Variants in NEMF observed in about 807,000 individuals in gnomAD.
NEMF encodes the protein nuclear export mediator factor.
NEMF carries 89 observed loss-of-function variants against 162.2 expected under a neutral mutation model. That is an observed-to-expected ratio of 0.55 (90% CI 0.46 to 0.65). The LOEUF (loss-of-function observed/expected upper bound fraction) is 0.65, where lower values mean the gene tolerates loss of function less well. Among genes scored for constraint, NEMF ranks in the 30% least tolerant of loss-of-function variants. The pLI is 0.00. For missense variants in NEMF, 1,133 were observed against 1,261.9 expected, an observed-to-expected ratio of 0.90 and a Z score of 1.55; for synonymous variants, 421 against 404.5, an observed-to-expected ratio of 1.04 and a Z score of -0.49.
chr14:49,798,893 CGA>C (rs1159141828), intron 25 of NEMF, among the ~76,000 whole-genome samples: 1 of 151,306 alleles, frequency 6.6e-6, no homozygotes, highest in African/African-American at 2.4e-5. Flanking sequence ...GGCGACAGAG[CGA>C]GACTCCATCT....
rs1890047667 is a variant in NEMF, at chr14:49,784,138, A to ATACTT, written c.*493_*497dup. On this transcript the variant is annotated 3_prime_UTR_variant, in exon 33 of 33. Transcript: ENST00000298310. ...ATAATTAGCATTTAACTGTCCACAAATACTTTAGGAAATCCTATCATAGTG... is the reference window on the plus strand; with the variant it reads ...ATAATTAGCATTTAACTGTCCACAAATACTTTACTTTAGGAAATCCTATCATAGTG... 2 of 152,306 alleles carry ATACTT rather than the reference A, an allele frequency of 1.3e-5. No individual in the cohort carries two copies. The highest frequency in any genetic ancestry group is 2.1e-4 in the South Asian group (1 of 4,830). 9.4% of individuals were successfully genotyped at this position (152,306 alleles called of 1,614,324 possible). A position where few individuals can be genotyped will look rare whatever the true frequency, so the allele number is the denominator to read the frequency against.
intron 11 of NEMF, among the ~76,000 whole-genome samples, chr14:49,830,029 C>G (rs942380871): frequency 1.2e-4 from 18 of 152,236 alleles, no homozygotes; most frequent in African/African-American, 4.1e-4. Context: ...AAGACAAAGG[C>G]TCATGGTAGT....
intron 18 of NEMF, among the ~76,000 whole-genome samples, chr14:49,813,662 GGTGTGTGTGTGTGTGTGT>G (rs57660068): frequency 2.7e-5 from 4 of 148,570 alleles, no homozygotes; most frequent in Non-Finnish European, 1.5e-5. Flanking sequence ...TTTTTTATTA[GGTGTGTGTGTGTGTGTGT>G]GTGTGTGTGT....
At chr14:49,817,172 G>A (rs1249943871) in intron 16 of NEMF, among the ~76,000 whole-genome samples, 1 of 152,232 alleles carries the variant, frequency 6.6e-6, no homozygotes, top group Non-Finnish European at 1.5e-5. Flanking sequence ...GCCAGGCGCG[G>A]TGGCTTATGC....
chr14:49,835,131 C>A lies in NEMF; in HGVS notation c.575-682G>T, dbSNP rs180794484. Among the ~76,000 whole-genome samples the A allele has an allele frequency of 5.4e-4, 81 of 149,606 alleles. 1 individual carries two copies. In the East Asian group the frequency reaches 0.013, roughly 24 times the overall value. The stretch of plus-strand genomic sequence containing the variant: ...AGGAGAATCACTTGAACCCGGGAGG[C>A]GGAGGCTGTGGCGAGCCAAGATCGT... On this transcript the variant is annotated intron_variant, in intron 6 of 32. Coordinates refer to ENST00000298310, the MANE Select transcript of NEMF (RefSeq NM_004713.6).
In NEMF at chr14:49,782,142, C is replaced by T; in HGVS notation, c.*2494G>A. 4.0e-6 allele frequency: 2 copies of T among 496,216 alleles called. No individual in the cohort carries two copies. The highest frequency in any genetic ancestry group is 6.9e-5 in the South Asian group (2 of 28,924). The allele number at this position is 496,216 out of a possible 1,614,324, so 30.7% of individuals were successfully genotyped here. On this transcript the variant is annotated 3_prime_UTR_variant, in exon 33 of 33. Transcript: ENST00000298310. ...AGAACAGATCGTTCAGTTCAAACTC[C>T]TCATTGCATAAATGAGAACGACCAG...
At chr14:49,784,736 T>A (rs1890077439) in intron 32 of NEMF, 23 bp from the exon 33 acceptor site, 2 of 1,581,086 alleles carry the variant, frequency 1.3e-6, no homozygotes, top group African/African-American at 1.3e-5. Context: ...AATTGCTGAA[T>A]ATCTTCACAT....
In NEMF at chr14:49,834,463, G is replaced by A; in HGVS notation, c.575-14C>T. The A allele has an allele frequency of 6.7e-7, 1 of 1,483,328 alleles. No homozygotes were observed. Among genetic ancestry groups the A allele is most frequent in the South Asian group, 1.2e-5 (1 of 85,558 alleles). 91.9% of individuals were successfully genotyped at this position (1,483,328 alleles called of 1,614,324 possible). The stretch of plus-strand genomic sequence containing the variant: ...CTGGTCCATAGGCTATAAATGCAGA[G>A]GATATTACTTTTAGTATTTTCCTAT... On this transcript the variant is annotated splice_polypyrimidine_tract_variant and intron_variant, in intron 6 of 32. Transcript: ENST00000298310.
In NEMF at chr14:49,783,761, A is replaced by AAATT. The variant is rs1344646856; in HGVS notation, c.*871_*874dup. 1.3e-5 allele frequency: 2 copies of AAATT among 152,282 alleles called. No individual in the cohort carries two copies. Among genetic ancestry groups the AAATT allele is most frequent in the Non-Finnish European group, 1.5e-5 (1 of 68,016 alleles). The allele number at this position is 152,282 out of a possible 1,614,324, so 9.4% of individuals were successfully genotyped here. A position where few individuals can be genotyped will look rare whatever the true frequency, so the allele number is the denominator to read the frequency against. On this transcript the variant is annotated 3_prime_UTR_variant, in exon 33 of 33. Transcript: ENST00000298310. ...AGAACTGAATCAGATTACAAGGAAAAAATTAAGATCAAACCTGAAGGTCTA... is the reference window on the plus strand; with the variant it reads ...AGAACTGAATCAGATTACAAGGAAAAAATTAATTAAGATCAAACCTGAAGGTCTA...
At chr14:49,828,527 A>G (rs1269435032) in intron 14 of NEMF, 89 bp downstream of exon 14, 1 of 1,141,998 alleles carries the variant, frequency 8.8e-7, no homozygotes, top group Non-Finnish European at 1.2e-6. Context: ...TGCATGTACA[A>G]GTGAAATTTA....
At chr14:49,834,309 T>C (rs369144485) in intron 7 of NEMF, 54 bp downstream of exon 7, 1 of 1,288,622 alleles carries the variant, frequency 7.8e-7, no homozygotes, top group African/African-American at 1.5e-5. Context: ...CCAGAAAAAA[T>C]TTTCATAGTT....
Position 49,828,802 on chromosome 14 carries a change from G to A in NEMF, c.1238C>T (p.Pro413Leu). ...ATCTTCCTCCTCTGATAACAAGTAT[G>A]GATTTCTATTAAAAATATTCAATAG... ...TNHVTMLLRN[P>L]YLLSEEEDDD... The change falls in exon 14 of 33, where the codon CCA becomes CTA. Residue 413 changes from proline to leucine, a missense_variant. This residue lies in a region of NEMF where 582 missense variants were observed against 631.5 expected (regional missense o/e 0.92). Coordinates refer to ENST00000298310, the MANE Select transcript of NEMF (RefSeq NM_004713.6). 1 of 1,525,828 alleles carries A rather than the reference G, an allele frequency of 6.6e-7. No individual in the cohort carries two copies. The highest frequency in any genetic ancestry group is 8.8e-7 in the Non-Finnish European group (1 of 1,133,622). The allele number at this position is 1,525,828 out of a possible 1,614,324, so 94.5% of individuals were successfully genotyped here.
chr14:49,839,800 T>C (rs1489138230), intron 5 of NEMF: 1 of 152,162 alleles, frequency 6.6e-6, no homozygotes, highest in Non-Finnish European at 1.5e-5. Context: ...AAGGATGACA[T>C]GAAATTTGTT....
intron 16 of NEMF, among the ~76,000 whole-genome samples, chr14:49,818,911 G>T (rs1891854489): frequency 6.6e-6 from 1 of 152,100 alleles, no homozygotes; most frequent in South Asian, 2.1e-4. Context: ...GGCCAACACA[G>T]ATCATTTCAC....
intron 18 of NEMF, among the ~76,000 whole-genome samples, chr14:49,806,918 T>C (rs112847364): frequency 1.3e-3 from 199 of 152,356 alleles, no homozygotes; most frequent in African/African-American, 4.6e-3. Flanking sequence ...CTTTAAAGTA[T>C]ACAATTCAGT....
intron 16 of NEMF, among the ~76,000 whole-genome samples, chr14:49,822,293 A>T (rs946062024): frequency 1.5e-4 from 16 of 109,540 alleles, no homozygotes; most frequent in Non-Finnish European, 3.0e-4. Context: ...CAATAAAAAA[A>T]AATAAAATAA....
At chr14:49,826,389 C>T (rs1566687430) in intron 15 of NEMF, among the ~76,000 whole-genome samples, 1 of 151,920 alleles carries the variant, frequency 6.6e-6, no homozygotes. Context: ...ATGGTGAGTG[C>T]TTCTAAAGAT....
At chr14:49,805,349 T>C (rs1011649895) in intron 19 of NEMF, among the ~76,000 whole-genome samples, 5 of 152,060 alleles carry the variant, frequency 3.3e-5, no homozygotes, top group South Asian at 2.1e-4. Flanking sequence ...AGGTCAAATA[T>C]AGAATGAAGT....
rs1332741654 is a variant in NEMF at position 49,821,706 on chromosome 14, G to A, written c.1577+4161C>T. Among the ~76,000 whole-genome samples, 169 of 132,886 alleles carry A rather than the reference G, an allele frequency of 1.3e-3. 1 individual carries two copies. Among genetic ancestry groups the A allele is most frequent in the African/African-American group, 4.7e-3 (163 of 34,544 alleles). 87.2% of individuals were successfully genotyped at this position (132,886 alleles called of 152,430 possible). A position where few individuals can be genotyped will look rare whatever the true frequency, so the allele number is the denominator to read the frequency against. ...AGGTGGGGGGCTCAGCCCCCCGCCC[G>A]GCCAGCCGCCCCGTCCAGGAGGTGA... On this transcript the variant is annotated intron_variant, in intron 16 of 32. Coordinates refer to ENST00000298310, the MANE Select transcript of NEMF (RefSeq NM_004713.6).
Sources: gnomAD v4.1 joint callset for allele counts (sites outside exome capture counted in the v4.1 genomes callset) on GRCh38, gnomAD v4.1.1 for gene constraint, gnomAD v4.1.1 regional missense constraint, MANE v1.5 for transcripts, NCBI Gene and HGNC (gene_info 2026-07-23, HGNC 2026-07-21) for gene names.